Variants in MSL2 observed in about 807,000 individuals in gnomAD.
MSL2 encodes E3 ubiquitin-protein ligase MSL2.
A neutral mutation model predicts 35.8 loss-of-function variants in MSL2; 2 were observed. The ratio of observed to expected loss-of-function variants is 0.06; its 90% CI spans 0.02 to 0.18. The LOEUF (loss-of-function observed/expected upper bound fraction) is 0.18, where lower values mean the gene tolerates loss of function less well. MSL2 is among the 10% of genes least tolerant of loss of function. MSL2 has a pLI of 1.00. For synonymous variants in MSL2, 296 were observed against 255.7 expected (o/e 1.16, Z -1.50); for missense variants, 523 against 706.7 (o/e 0.74, Z 2.95).
Position 136,152,005 on chromosome 3 carries a change from C to T in MSL2, c.876G>A (p.Pro292=), listed in dbSNP as rs1221059828. Residue 292 remains proline (P), a synonymous_variant, in exon 2 of 2, where the codon CCG becomes CCA. Transcript: ENST00000309993. ...NTEVCCPNLQ[P]NLEATVSNGP... Reference sequence around the variant, plus strand: ...CATTGGATACAGTGGCTTCCAAGTTCGGCTGCAAATTAGGGCAACAGACCT... The same window carrying T: ...CATTGGATACAGTGGCTTCCAAGTTTGGCTGCAAATTAGGGCAACAGACCT... 3.7e-6 allele frequency: 6 copies of T among 1,614,130 alleles called. No individual in the cohort carries two copies. Among genetic ancestry groups the T allele is most frequent in the Non-Finnish European group, 5.1e-6 (6 of 1,180,010 alleles).
chr3:136,165,377 A>C (rs1269690414), intron 1 of MSL2, among the ~76,000 whole-genome samples: 1 of 152,150 alleles, frequency 6.6e-6, no homozygotes, highest in Non-Finnish European at 1.5e-5. Flanking sequence ...TTTGTGCCTC[A>C]ACATTTTCAT....
intron 1 of MSL2, among the ~76,000 whole-genome samples, chr3:136,176,514 T>G (rs1332645717): frequency 2.6e-5 from 2 of 75,982 alleles, no homozygotes; most frequent in African/African-American, 1.3e-4. Flanking sequence ...AGACCCTCTC[T>G]CAAAAAAAAA....
chr3:136,195,414 G>GGCGGGACTCGGA lies in MSL2; in HGVS notation c.-313_-302dup. ...AGAACGCGGCGGCTTGGGCGCTCGG[G>GGCGGGACTCGGA]GCGGGACTCGGAGCTCAGTCTAGCC... On this transcript the variant is annotated 5_prime_UTR_variant, in exon 1 of 2. Transcript: ENST00000309993. 1 of 1,130,442 alleles carries GGCGGGACTCGGA rather than the reference G, an allele frequency of 8.8e-7. No homozygotes were observed. Among genetic ancestry groups the GGCGGGACTCGGA allele is most frequent in the African/African-American group, 1.6e-5 (1 of 60,610 alleles). The allele number at this position is 1,130,442 out of a possible 1,614,324, so 70.0% of individuals were successfully genotyped here.
chr3:136,195,564 G>T lies in MSL2; in HGVS notation c.-451C>A, dbSNP rs1940814842. On this transcript the variant is annotated 5_prime_UTR_variant, in exon 1 of 2. Transcript: ENST00000309993. ...TCTGAGGCGCGGCACGCTTCTCCCG[G>T]GCTGCAGGGCCTCTTACTCCATCCC... 2 of 999,020 alleles carry T rather than the reference G, an allele frequency of 2.0e-6. No homozygotes were observed. Among genetic ancestry groups the T allele is most frequent in the East Asian group, 1.1e-4 (1 of 8,946 alleles). The allele number at this position is 999,020 out of a possible 1,614,324, so 61.9% of individuals were successfully genotyped here.
chr3:136,174,373 T>C (rs1940109680), intron 1 of MSL2, among the ~76,000 whole-genome samples: 1 of 152,210 alleles, frequency 6.6e-6, no homozygotes, highest in Non-Finnish European at 1.5e-5. Context: ...TATTTTCACT[T>C]ATCCAGCACT....
chr3:136,189,917 A>T (rs1197163606), intron 1 of MSL2, among the ~76,000 whole-genome samples: 2 of 151,956 alleles, frequency 1.3e-5, no homozygotes, highest in Non-Finnish European at 2.9e-5. Flanking sequence ...TTAATTGGTA[A>T]GTTTTCTACA....
chr3:136,190,278 G>T (rs956563647), intron 1 of MSL2, among the ~76,000 whole-genome samples: 1 of 152,060 alleles, frequency 6.6e-6, no homozygotes, highest in African/African-American at 2.4e-5. Context: ...GACCAATAAA[G>T]AAATAGTACA....
At chr3:136,164,992 G>C (rs1374588956) in intron 1 of MSL2, among the ~76,000 whole-genome samples, 3 of 151,806 alleles carry the variant, frequency 2.0e-5, no homozygotes, top group African/African-American at 7.3e-5. Flanking sequence ...TCCCGCCTCA[G>C]CCTCCCGAGC....
chr3:136,189,213 C>T (rs1940613707), intron 1 of MSL2, among the ~76,000 whole-genome samples: 2 of 140,846 alleles, frequency 1.4e-5, no homozygotes, highest in Admixed American at 7.4e-5. Context: ...GGTGGGAGGA[C>T]AGCTTAAGCC....
chr3:136,174,350 C>G (rs1424028966), intron 1 of MSL2, among the ~76,000 whole-genome samples: 1 of 152,170 alleles, frequency 6.6e-6, no homozygotes, highest in African/African-American at 2.4e-5. Context: ...TCTACTGATT[C>G]CCAGCCTAGA....
chr3:136,192,512 AG>A (rs1371880866), intron 1 of MSL2, among the ~76,000 whole-genome samples: 1 of 152,138 alleles, frequency 6.6e-6, no homozygotes, highest in African/African-American at 2.4e-5. Context: ...TTCACCAAGG[AG>A]GCAGGGAGTT....
chr3:136,180,695 G>A (rs1228513567), intron 1 of MSL2, among the ~76,000 whole-genome samples: 4 of 147,102 alleles, frequency 2.7e-5, no homozygotes, highest in Admixed American at 6.9e-5. Context: ...GCAAGACTCC[G>A]TCTCAGAAAA....
At chr3:136,170,184 A>AATAT (rs1553765950) in intron 1 of MSL2, among the ~76,000 whole-genome samples, 1 of 150,398 alleles carries the variant, frequency 6.6e-6, no homozygotes, top group Non-Finnish European at 1.5e-5. Context: ...TCTACTTAAA[A>AATAT]ATATATATAT....
chr3:136,169,249 G>GGGGGGGGGGT (rs1939944692), intron 1 of MSL2, among the ~76,000 whole-genome samples: 1 of 43,518 alleles, frequency 2.3e-5, no homozygotes, highest in Non-Finnish European at 5.2e-5. Context: ...GGGGGGGGGG[G>GGGGGGGGGGT]GGGTGCTTAT....
At chr3:136,164,261 C>T (rs187547449) in intron 1 of MSL2, among the ~76,000 whole-genome samples, 9 of 152,254 alleles carry the variant, frequency 5.9e-5, no homozygotes, top group Admixed American at 2.0e-4. Context: ...TCAAAACCTC[C>T]GCTAACCATG....
chr3:136,187,978 G>A (rs554323478), intron 1 of MSL2, among the ~76,000 whole-genome samples: 1 of 152,120 alleles, frequency 6.6e-6, no homozygotes, highest in Admixed American at 6.6e-5. Flanking sequence ...TCTACAGGGT[G>A]AATGTCACAT....
chr3:136,170,681 G>T (rs1940001233), intron 1 of MSL2, among the ~76,000 whole-genome samples: 1 of 151,558 alleles, frequency 6.6e-6, no homozygotes, highest in Non-Finnish European at 1.5e-5. Flanking sequence ...GCTAATTTTT[G>T]TATTTTTAGT....
At chr3:136,181,256 T>C (rs1048417968) in intron 1 of MSL2, among the ~76,000 whole-genome samples, 3 of 152,178 alleles carry the variant, frequency 2.0e-5, no homozygotes, top group Non-Finnish European at 4.4e-5. Context: ...ATTTTCTTAA[T>C]GCTTCTTGTC....
Position 136,151,475 on chromosome 3 carries a change from T to G in MSL2, c.1406A>C (p.Gln469Pro). ...KKGCKCGRAT[Q>P]NPSVLTCRGQ... is the part of the protein sequence containing the mutation. ...TCGGCATGTAAGAACACTTGGATTT[T>G]GAGTAGCACGCCCACATTTACACCC... The change falls in exon 2 of 2, where the codon CAA (glutamine) becomes CCA (proline). Residue 469 changes from glutamine to proline, a missense_variant. Gln to Pro is a moderately conservative substitution (Grantham distance 76). Around this residue, in one of 5 missense-constraint regions of MSL2, gnomAD observed 16 missense variants for 86.1 expected, o/e 0.19. Transcript: ENST00000309993. The surrounding 1 kb of genome is among the most constrained non-coding windows in gnomAD (Gnocchi z 5.2). 2 of 1,614,258 alleles carry G rather than the reference T, an allele frequency of 1.2e-6. No homozygotes were observed. Among genetic ancestry groups the G allele is most frequent in the East Asian group, 2.2e-5 (1 of 44,888 alleles).
Sources: gnomAD v4.1 joint callset for allele counts (sites outside exome capture counted in the v4.1 genomes callset) on GRCh38, gnomAD v4.1.1 for gene constraint, gnomAD v4.1.1 regional missense constraint, Gnocchi (gnomAD v3.1) non-coding constraint, MANE v1.5 for transcripts, NCBI Gene and HGNC (gene_info 2026-07-23, HGNC 2026-07-21) for gene names.